The following ANKRD36C variants were observed in gnomAD, a reference collection of about 807,000 sequenced individuals.
ANKRD36C encodes the protein ankyrin repeat domain-containing protein 36C.
A neutral mutation model predicts 276.4 loss-of-function variants in ANKRD36C; 61 were observed. The observed-to-expected ratio is 0.22, with a 90% confidence interval of 0.18 to 0.27. The LOEUF (loss-of-function observed/expected upper bound fraction) is 0.27. Among genes scored for constraint, ANKRD36C ranks in the 10% least tolerant of loss-of-function variants. The pLI is 1.00. For synonymous variants in ANKRD36C, 483 were observed against 680.1 expected (o/e 0.71, Z 4.51); for missense variants, 1,447 against 2,032.3 (o/e 0.71, Z 5.54).
At chr2:95,912,364 C>A (rs768108306) in intron 41 of ANKRD36C, 43 bp downstream of exon 43, 8 of 1,603,124 alleles carry the variant, frequency 5.0e-6, no homozygotes, top group Non-Finnish European at 6.8e-6. Context: ...GTTTCATAGG[C>A]TTTACGTTTA....
intron 10 of ANKRD36C, among the ~76,000 whole-genome samples, chr2:95,959,060 T>C (rs1678396141): frequency 1.3e-5 from 2 of 152,294 alleles, no homozygotes; most frequent in Non-Finnish European, 2.9e-5. Flanking sequence ...TCAATGTGGA[T>C]ATGCCGAGTG....
intron 36 of ANKRD36C, 54 bp from the exon 39 acceptor site, chr2:95,916,225 C>G: frequency 1.3e-6 from 2 of 1,597,830 alleles, no homozygotes; most frequent in Non-Finnish European, 8.5e-7. Context: ...ATAAAGTTAT[C>G]CATACATTCA....
intron 12 of ANKRD36C, among the ~76,000 whole-genome samples, chr2:95,957,809 G>A (rs1438507689): frequency 1.3e-5 from 2 of 152,196 alleles, no homozygotes; most frequent in African/African-American, 4.8e-5. Context: ...TCATTAAATT[G>A]CTATTTTATC....
At chr2:95,943,646 T>G (rs1399592742) in intron 19 of ANKRD36C, among the ~76,000 whole-genome samples, 67 of 151,800 alleles carry the variant, frequency 4.4e-4, no homozygotes, top group Non-Finnish European at 2.9e-5. Context: ...GTTAAGCAAC[T>G]TAGGAATATA....
chr2:95,910,510 C>T (rs780235156), intron 42 of ANKRD36C, 30 bp downstream of exon 45: 25 of 1,604,342 alleles, frequency 1.6e-5, no homozygotes, highest in African/African-American at 8.1e-5. Flanking sequence ...TACATTAACT[C>T]GTTCACAATA....
At position 95,891,652 on chromosome 2, in the gene ANKRD36C, T is replaced by G; in HGVS notation, c.2857+13A>C. ...TGCACTGAACATGACATTAAATCTC[T>G]TTTCAAAATTACCTCTCCTAGTTTT... On this transcript the variant is annotated intron_variant, in intron 46 of 66. Coordinates refer to ENST00000456556, the Ensembl canonical transcript of ANKRD36C. The G allele has an allele frequency of 6.4e-7, 1 of 1,550,490 alleles. No homozygotes were observed. The highest frequency in any genetic ancestry group is 8.7e-7 in the Non-Finnish European group (1 of 1,146,502).
At chr2:95,850,371 C>G (rs1343823728), downstream of ANKRD36C, among the ~76,000 whole-genome samples, 1 of 152,084 alleles carries the variant, frequency 6.6e-6, no homozygotes, top group Non-Finnish European at 1.5e-5. Context: ...CATAAGACAG[C>G]ACTTATTGGA....
intron 60 of ANKRD36C, among the ~76,000 whole-genome samples, chr2:95,860,643 G>A (rs1675553001): frequency 6.6e-6 from 1 of 152,174 alleles, no homozygotes; most frequent in Admixed American, 6.5e-5. Context: ...GATGGTAGGT[G>A]ATCACTGAAA....
intron 18 of ANKRD36C, 34 bp from the exon 19 acceptor site, chr2:95,944,728 T>G: frequency 6.5e-7 from 1 of 1,532,826 alleles, no homozygotes; most frequent in Non-Finnish European, 8.7e-7. Context: ...GTAGATGAAA[T>G]GCATGTAATT....
chr2:95,908,392 T>G, intron 42 of ANKRD36C, 110 bp downstream of exon 48: 1 of 1,189,216 alleles, frequency 8.4e-7, no homozygotes, highest in Non-Finnish European at 1.2e-6. Context: ...ATCTCAGGAC[T>G]GCTGAATCAG....
intron 44 of ANKRD36C, 91 bp downstream of exon 64, chr2:95,893,442 G>A: frequency 6.7e-7 from 1 of 1,498,494 alleles, no homozygotes; most frequent in Non-Finnish European, 9.0e-7. Flanking sequence ...AGAAAGTGCA[G>A]CTTCGACGAG....
At chr2:95,890,419 T>A (rs745394532) in intron 46 of ANKRD36C, among the ~76,000 whole-genome samples, 1 of 151,518 alleles carries the variant, frequency 6.6e-6, no homozygotes. Flanking sequence ...TTCATCATGC[T>A]CTTTAATTTG....
chr2:95,896,479 C>T (rs1335696515), intron 44 of ANKRD36C, among the ~76,000 whole-genome samples: 27 of 149,620 alleles, frequency 1.8e-4, no homozygotes, highest in African/African-American at 3.7e-4. Flanking sequence ...CTAAAGAAGT[C>T]TCATTAAATA....
At chr2:95,947,697 C>T (rs1289280124) in intron 17 of ANKRD36C, among the ~76,000 whole-genome samples, 2 of 152,068 alleles carry the variant, frequency 1.3e-5, no homozygotes, top group African/African-American at 4.8e-5. Context: ...TTATTTTAAA[C>T]AAAATGCATA....
At position 95,912,388 on chromosome 2, in the gene ANKRD36C, T is replaced by C. The variant is rs781464034; in HGVS notation, c.2580+19A>G. 1.4e-5 allele frequency: 22 copies of C among 1,603,928 alleles called. No homozygotes were observed. The highest frequency in any genetic ancestry group is 5.0e-5 in the Admixed American group (3 of 59,724). On this transcript the variant is annotated intron_variant, in intron 41 of 66. Transcript: ENST00000456556. ...GCTTTACGTTTACTAGCTCACAATA[T>C]GAATGAGAGTTTCATTACCTTCAAG... is the stretch of plus-strand genomic sequence containing the variant.
intron 54 of ANKRD36C, 50 bp downstream of exon 74, chr2:95,884,123 T>C: frequency 6.4e-7 from 1 of 1,554,180 alleles, no homozygotes; most frequent in Non-Finnish European, 8.8e-7. Flanking sequence ...GAAGAGAAGT[T>C]CTTTTCTATC....
At chr2:95,965,289 C>T (rs1307493023) in intron 6 of ANKRD36C, among the ~76,000 whole-genome samples, 1 of 151,862 alleles carries the variant, frequency 6.6e-6, no homozygotes, top group Non-Finnish European at 1.5e-5. Context: ...GGTGTTTTTT[C>T]TTCAAGGGCC....
At chr2:95,892,657 A>T (rs1363034272) in intron 44 of ANKRD36C, among the ~76,000 whole-genome samples, 1 of 151,474 alleles carries the variant, frequency 6.6e-6, no homozygotes, top group Non-Finnish European at 1.5e-5. Context: ...ATTCACTATA[A>T]ATGACCATTT....
At chr2:95,856,721 C>T (rs539449797) in intron 62 of ANKRD36C, among the ~76,000 whole-genome samples, 1 of 152,206 alleles carries the variant, frequency 6.6e-6, no homozygotes, top group Non-Finnish European at 1.5e-5. Flanking sequence ...AGGCATTATA[C>T]TAAGCACTTT....
Sources: gnomAD v4.1 joint callset for allele counts (sites outside exome capture counted in the v4.1 genomes callset) on GRCh38, gnomAD v4.1.1 for gene constraint, MANE v1.5 for transcripts, NCBI Gene and HGNC (gene_info 2026-07-23, HGNC 2026-07-21) for gene names.